Variants in USP42 observed in about 807,000 individuals in gnomAD.
USP42 encodes the protein ubiquitin carboxyl-terminal hydrolase 42.
A neutral mutation model predicts 113.0 loss-of-function variants in USP42; 23 were observed. That is an observed-to-expected ratio of 0.20 (90% CI 0.15 to 0.29). The LOEUF (loss-of-function observed/expected upper bound fraction) is 0.29. USP42 is among the 10% of genes least tolerant of loss of function. The pLI is 1.00. For synonymous variants in USP42, 933 were observed against 699.0 expected (o/e 1.33, Z -5.28); for missense variants, 2,174 against 1,779.8 (o/e 1.22, Z -3.99).
At chr7:6,160,209 G>A (rs1025489497) in intron 17 of USP42, among the ~76,000 whole-genome samples, 4 of 152,242 alleles carry the variant, frequency 2.6e-5, no homozygotes, top group Admixed American at 1.3e-4. Flanking sequence ...TGAAGAGTCT[G>A]TGGATTAATT....
At chr7:6,125,501 A>T (rs1278454325) in intron 3 of USP42, among the ~76,000 whole-genome samples, 1 of 152,174 alleles carries the variant, frequency 6.6e-6, no homozygotes, top group Non-Finnish European at 1.5e-5. Flanking sequence ...AAAACAAAAC[A>T]CAACAATATT....
intron 8 of USP42, among the ~76,000 whole-genome samples, chr7:6,143,788 T>G (rs992348746): frequency 6.6e-6 from 1 of 152,158 alleles, no homozygotes; most frequent in Non-Finnish European, 1.5e-5. Context: ...GTTTTTCAGT[T>G]TCTTTTGAAT....
intron 4 of USP42, among the ~76,000 whole-genome samples, chr7:6,136,711 A>G (rs770477780): frequency 1.3e-5 from 2 of 152,142 alleles, no homozygotes; most frequent in African/African-American, 2.4e-5. Context: ...TAATTAGGCT[A>G]CTCTGGACAC....
chr7:6,159,382 C>G lies in USP42; in HGVS notation c.3944-68C>G. ...TCTGACCATAGCCACTTAACGCACA[C>G]ACACAGCAGAGGCCCTGGCGATTTT... On this transcript the variant is annotated intron_variant, in intron 16 of 17. Coordinates refer to ENST00000306177, the MANE Select transcript of USP42 (RefSeq NM_032172.3). This position sits in a 1 kb window ranked among gnomAD's most constrained non-coding sequence, Gnocchi z 4.1. 1 of 1,608,680 alleles carries G rather than the reference C, an allele frequency of 6.2e-7. No individual in the cohort carries two copies. Among genetic ancestry groups the G allele is most frequent in the Non-Finnish European group, 8.5e-7 (1 of 1,176,178 alleles).
chr7:6,141,827 T>C (rs879416447), intron 7 of USP42, among the ~76,000 whole-genome samples: 2 of 152,252 alleles, frequency 1.3e-5, no homozygotes, highest in Non-Finnish European at 2.9e-5. Flanking sequence ...GTTGCAGATA[T>C]ATGTAAAATC....
chr7:6,151,581 G>C (rs1301542606), intron 14 of USP42, among the ~76,000 whole-genome samples: 1 of 152,144 alleles, frequency 6.6e-6, no homozygotes, highest in Non-Finnish European at 1.5e-5. Flanking sequence ...GGGACTACAG[G>C]CATGCGCCAC....
At chr7:6,136,039 C>T (rs969725226) in intron 4 of USP42, 88 bp downstream of exon 4, 23 of 817,638 alleles carry the variant, frequency 2.8e-5, no homozygotes, top group Non-Finnish European at 3.9e-5. Context: ...GAGTCTTGCT[C>T]TGTCGCCTAG....
At chr7:6,135,736 C>T in intron 3 of USP42, 105 bp from the exon 4 acceptor site, 1 of 449,534 alleles carries the variant, frequency 2.2e-6, no homozygotes, top group Non-Finnish European at 4.0e-6. Context: ...ATGCATATAG[C>T]AGCTATTATT....
upstream of USP42, among the ~76,000 whole-genome samples, chr7:6,103,738 CAAAAA>C (rs398066574): frequency 9.9e-6 from 1 of 100,916 alleles, no homozygotes; most frequent in Non-Finnish European, 1.8e-5. Flanking sequence ...CCCGTCTCTA[CAAAAA>C]AAAAAAAAAA....
the USP42 span, among the ~76,000 whole-genome samples, chr7:6,083,210 C>G: frequency 6.8e-6 from 1 of 147,612 alleles, no homozygotes; most frequent in African/African-American, 2.6e-5. Flanking sequence ...CAGGCGTGAG[C>G]CACCGCACCC....
intron 3 of USP42, among the ~76,000 whole-genome samples, chr7:6,123,871 T>C (rs1293359590): frequency 2.0e-5 from 3 of 150,364 alleles, no homozygotes; most frequent in Non-Finnish European, 3.0e-5. Context: ...GTTTTCTTTT[T>C]CGTATCGTTT....
intron 8 of USP42, 75 bp downstream of exon 8, chr7:6,143,089 G>A (rs1781519831): frequency 1.3e-6 from 2 of 1,491,232 alleles, no homozygotes; most frequent in Admixed American, 3.4e-5. Context: ...GTTTGAGAGA[G>A]TTTGGTGTGT....
At chr7:6,102,168 T>G (rs1186531507), upstream of USP42, among the ~76,000 whole-genome samples, 1 of 143,046 alleles carries the variant, frequency 7.0e-6, no homozygotes, top group Non-Finnish European at 1.5e-5. Flanking sequence ...CAGGCTAGAG[T>G]GCAGTGTCGC....
rs1356763665 is a variant in USP42, at chr7:6,159,128, CCTTGT to C, written c.3944-318_3944-314del. Among the ~76,000 whole-genome samples, 11 of 152,300 alleles carry C rather than the reference CCTTGT, an allele frequency of 7.2e-5. No homozygotes were observed. In the South Asian group the frequency reaches 1.7e-3, roughly 23 times the overall value. ...TCCCCCTCTACCCTGGACTTCGGCC[CCTTGT>C]CTTTCTCTTTCAAACTCCTCCTCTG... On this transcript the variant is annotated intron_variant, in intron 16 of 17. Coordinates refer to ENST00000306177, the MANE Select transcript of USP42 (RefSeq NM_032172.3). This position sits in a 1 kb window ranked among gnomAD's most constrained non-coding sequence, Gnocchi z 4.1.
At chr7:6,112,462 GAAA>G (rs896790938) in intron 2 of USP42, among the ~76,000 whole-genome samples, 2 of 145,424 alleles carry the variant, frequency 1.4e-5, no homozygotes, top group Non-Finnish European at 3.1e-5. Context: ...AAAGAAAAAA[GAAA>G]AAAAAAAGAG....
the USP42 span, among the ~76,000 whole-genome samples, chr7:6,094,255 C>T: frequency 1.3e-5 from 2 of 150,826 alleles, no homozygotes; most frequent in Non-Finnish European, 2.9e-5. Flanking sequence ...CTCACTGGAC[C>T]CTTGACCTCC....
At chr7:6,088,088 C>A in the USP42 span, among the ~76,000 whole-genome samples, 1 of 150,792 alleles carries the variant, frequency 6.6e-6, no homozygotes, top group Admixed American at 6.6e-5. Context: ...TTGCTTGAGG[C>A]CAGGAGTTCG....
At chr7:6,096,841 G>A in the USP42 span, among the ~76,000 whole-genome samples, 12 of 151,138 alleles carry the variant, frequency 7.9e-5, no homozygotes, top group Non-Finnish European at 1.6e-4. Flanking sequence ...GCTGCTCACT[G>A]TACCAATCAT....
the USP42 span, among the ~76,000 whole-genome samples, chr7:6,094,872 C>G: frequency 2.7e-5 from 4 of 150,098 alleles, no homozygotes; most frequent in Non-Finnish European, 5.9e-5. Context: ...ATTGCAACCT[C>G]CGCCTCCCAG....
Sources: allele counts gnomAD v4.1 joint callset (sites outside exome capture counted in the v4.1 genomes callset), GRCh38; gene constraint gnomAD v4.1.1; non-coding constraint Gnocchi (gnomAD v3.1); transcripts MANE v1.5; gene names NCBI Gene and HGNC (gene_info 2026-07-23, HGNC 2026-07-21).